The following LYPD6 variants were observed in gnomAD, a reference collection of about 807,000 sequenced individuals.
LYPD6 encodes ly6/PLAUR domain-containing protein 6.
In LYPD6, 15 loss-of-function variants were observed where a neutral mutation model predicts 22.7. The observed-to-expected ratio is 0.66, with a 90% CI of 0.44 to 1.02. The LOEUF (loss-of-function observed/expected upper bound fraction) is 1.02. Ranked by LOEUF, LYPD6 falls within the 50% of genes least tolerant of loss-of-function variation. LYPD6 has a pLI of 0.00. For missense variants in LYPD6, 189 were observed against 208.4 expected (o/e 0.91, Z 0.57); for synonymous variants, 72 against 77.5 (o/e 0.93, Z 0.37).
At chr2:149,373,572 A>C (rs1275779638) in intron 1 of LYPD6, among the ~76,000 whole-genome samples, 2 of 152,060 alleles carry the variant, frequency 1.3e-5, no homozygotes, top group African/African-American at 2.4e-5. Flanking sequence ...CCAAGGGAAG[A>C]ATATTACAAG....
At position 149,381,462 on chromosome 2, in the gene LYPD6, T is replaced by C. The variant is rs566099555; in HGVS notation, c.-72+50740T>C. 2.6e-5 allele frequency among the ~76,000 whole-genome samples: 4 copies of C among 152,296 alleles called. No individual in the cohort carries two copies. In the East Asian group the frequency reaches 7.7e-4, roughly 29 times the overall value. Reference sequence around the variant, plus strand: ...AGGTAGGCAGAGTGTATGGGCAAGATTCTCACAGGTAGAGAGAGGTGGTGG... The same window carrying C: ...AGGTAGGCAGAGTGTATGGGCAAGACTCTCACAGGTAGAGAGAGGTGGTGG... On this transcript the variant is annotated intron_variant, in intron 1 of 4. Transcript: ENST00000334166.
chr2:149,362,477 G>T (rs1332120618), intron 1 of LYPD6, among the ~76,000 whole-genome samples: 1 of 152,104 alleles, frequency 6.6e-6, no homozygotes, highest in Non-Finnish European at 1.5e-5. Context: ...AAATTGAGGA[G>T]AACTTAGAAA....
chr2:149,376,905 G>A (rs987557135), intron 1 of LYPD6, among the ~76,000 whole-genome samples: 1 of 152,220 alleles, frequency 6.6e-6, no homozygotes, highest in African/African-American at 2.4e-5. Context: ...GCAATCCAAA[G>A]CTCCCATGTT....
At chr2:149,447,270 G>C (rs982623253) in intron 2 of LYPD6, among the ~76,000 whole-genome samples, 1 of 152,132 alleles carries the variant, frequency 6.6e-6, no homozygotes, top group African/African-American at 2.4e-5. Flanking sequence ...GGGTGCCCGC[G>C]ACAGCCTCCA....
chr2:149,422,991 C>A (rs1210893175), intron 1 of LYPD6, among the ~76,000 whole-genome samples: 3 of 151,998 alleles, frequency 2.0e-5, no homozygotes, highest in Non-Finnish European at 4.4e-5. Context: ...AATAAGTATA[C>A]CCCTTGTATA....
At chr2:149,477,614 CTG>C (rs1350771768), downstream of LYPD6, among the ~76,000 whole-genome samples, 1 of 79,710 alleles carries the variant, frequency 1.3e-5, no homozygotes, top group Non-Finnish European at 2.3e-5. Context: ...CAGAGCAAAA[CTG>C]TGTCTCAAAA....
intron 3 of LYPD6, among the ~76,000 whole-genome samples, chr2:149,449,847 T>C (rs570506773): frequency 5.9e-5 from 9 of 152,336 alleles, no homozygotes; most frequent in African/African-American, 1.7e-4. Flanking sequence ...GGGAATTTTA[T>C]TGACAAATGT....
chr2:149,332,602 A>G (rs545012200), intron 1 of LYPD6, among the ~76,000 whole-genome samples: 5 of 152,350 alleles, frequency 3.3e-5, no homozygotes, highest in South Asian at 4.1e-4. Context: ...TCCAAGATCA[A>G]TAGCAGAGTT....
chr2:149,402,999 T>A (rs1265843586), intron 1 of LYPD6, among the ~76,000 whole-genome samples: 1 of 151,890 alleles, frequency 6.6e-6, no homozygotes, highest in Non-Finnish European at 1.5e-5. Flanking sequence ...TTTGTCCTTA[T>A]GATAGTTTAC....
intron 1 of LYPD6, among the ~76,000 whole-genome samples, chr2:149,400,577 C>T (rs766126322): frequency 3.9e-5 from 6 of 152,146 alleles, no homozygotes; most frequent in Non-Finnish European, 7.3e-5. Context: ...ATGTTGCTAG[C>T]CATTGTAATT....
At chr2:149,377,399 T>C (rs1158675936) in intron 1 of LYPD6, among the ~76,000 whole-genome samples, 1 of 152,012 alleles carries the variant, frequency 6.6e-6, no homozygotes, top group Admixed American at 6.6e-5. Flanking sequence ...AAAGGGATGC[T>C]GCGAGAGGCA....
intron 3 of LYPD6, chr2:149,464,140 A>T: frequency 2.4e-6 from 1 of 413,570 alleles, no homozygotes; most frequent in South Asian, 1.8e-5. Flanking sequence ...GTTTAAACAC[A>T]AAAAAATCAA....
chr2:149,354,926 C>T (rs1383129443), intron 1 of LYPD6, among the ~76,000 whole-genome samples: 1 of 152,090 alleles, frequency 6.6e-6, no homozygotes, highest in East Asian at 1.9e-4. Flanking sequence ...CTCGTGAGCC[C>T]TGAGAATTGG....
the LYPD6 span, among the ~76,000 whole-genome samples, chr2:149,482,827 C>G: frequency 6.6e-6 from 1 of 152,162 alleles, no homozygotes; most frequent in Non-Finnish European, 1.5e-5. Context: ...AAGTATCATT[C>G]CTGTCCACAG....
chr2:149,364,580 T>C (rs1167838453), intron 1 of LYPD6, among the ~76,000 whole-genome samples: 1 of 150,892 alleles, frequency 6.6e-6, no homozygotes, highest in African/African-American at 2.4e-5. Flanking sequence ...AAAGTCAAGC[T>C]ATCCTGATTG....
At chr2:149,412,317 A>G (rs1013061327) in intron 1 of LYPD6, among the ~76,000 whole-genome samples, 1 of 151,960 alleles carries the variant, frequency 6.6e-6, no homozygotes, top group African/African-American at 2.4e-5. Flanking sequence ...TTTAACTCTG[A>G]TAAGGTTGAG....
At chr2:149,428,904 T>A (rs1398046363) in intron 1 of LYPD6, among the ~76,000 whole-genome samples, 1 of 152,232 alleles carries the variant, frequency 6.6e-6, no homozygotes, top group Non-Finnish European at 1.5e-5. Flanking sequence ...TGAGGAACAC[T>A]GCTGTCTTCT....
At chr2:149,378,655 C>G (rs1360948457) in intron 1 of LYPD6, among the ~76,000 whole-genome samples, 1 of 152,186 alleles carries the variant, frequency 6.6e-6, no homozygotes, top group Non-Finnish European at 1.5e-5. Flanking sequence ...GGGAGTCTTG[C>G]ATTCAGCAAT....
intron 1 of LYPD6, among the ~76,000 whole-genome samples, chr2:149,355,012 C>T (rs953472350): frequency 6.6e-6 from 1 of 152,106 alleles, no homozygotes; most frequent in South Asian, 2.1e-4. Context: ...CCACTAGACA[C>T]TCAAATAGAG....
Sources: gnomAD v4.1 joint callset for allele counts (sites outside exome capture counted in the v4.1 genomes callset) on GRCh38, gnomAD v4.1.1 for gene constraint, MANE v1.5 for transcripts, NCBI Gene and HGNC (gene_info 2026-07-23, HGNC 2026-07-21) for gene names.